The following SOX5 variants were observed in gnomAD, a reference collection of about 807,000 sequenced individuals.
SOX5 encodes the protein SRY-box transcription factor 5.
In SOX5, 9 loss-of-function variants were observed where a neutral mutation model predicts 92.0. The observed-to-expected ratio is 0.10, with a 90% CI of 0.06 to 0.17. SOX5 has a LOEUF of 0.17. Ranked by LOEUF, SOX5 falls within the 10% of genes least tolerant of loss-of-function variation. The pLI is 1.00. For missense variants in SOX5, 642 were observed against 944.5 expected, an observed-to-expected ratio of 0.68 and a Z score of 4.20; for synonymous variants, 344 against 336.3, an observed-to-expected ratio of 1.02 and a Z score of -0.25.
chr12:24,476,847 T>C (rs139906286), intron 1 of SOX5, among the ~76,000 whole-genome samples: 1,651 of 152,074 alleles, frequency 0.011, 35 homozygotes, highest in African/African-American at 0.038. Flanking sequence ...GAAGAACTAG[T>C]CTGTGATTCA....
At chr12:24,359,268 G>A (rs1031152543) in intron 2 of SOX5, among the ~76,000 whole-genome samples, 3 of 152,146 alleles carry the variant, frequency 2.0e-5, no homozygotes, top group Non-Finnish European at 2.9e-5. Context: ...AGTCTTAAGC[G>A]ATCTGATTCA....
chr12:24,011,994 G>A (rs1952996897), intron 4 of SOX5, among the ~76,000 whole-genome samples: 1 of 152,116 alleles, frequency 6.6e-6, no homozygotes, highest in Admixed American at 6.6e-5. Context: ...ATTTTTCCCA[G>A]GACTTCAAAT....
chr12:24,182,659 C>A (rs2139301377), intron 4 of SOX5, among the ~76,000 whole-genome samples: 1 of 151,864 alleles, frequency 6.6e-6, no homozygotes, highest in East Asian at 1.9e-4. Flanking sequence ...TCATATAAAT[C>A]TAATTCACTG....
intron 2 of SOX5, among the ~76,000 whole-genome samples, chr12:24,304,671 T>G (rs1479547394): frequency 6.6e-6 from 1 of 152,154 alleles, no homozygotes; most frequent in Non-Finnish European, 1.5e-5. Flanking sequence ...TCAATATATC[T>G]CTACACAAAT....
At chr12:24,057,318 G>T (rs1037390393) in intron 4 of SOX5, among the ~76,000 whole-genome samples, 3 of 152,010 alleles carry the variant, frequency 2.0e-5, no homozygotes, top group South Asian at 2.1e-4. Flanking sequence ...TAATTTTAAG[G>T]GTAATTACAT....
At chr12:24,099,753 G>A (rs780120240) in intron 4 of SOX5, among the ~76,000 whole-genome samples, 3 of 152,020 alleles carry the variant, frequency 2.0e-5, no homozygotes, top group African/African-American at 4.8e-5. Flanking sequence ...GTTTACTCAC[G>A]GATGTAAATG....
chr12:24,025,138 G>A (rs578212860), intron 4 of SOX5, among the ~76,000 whole-genome samples: 4 of 152,060 alleles, frequency 2.6e-5, no homozygotes, highest in African/African-American at 9.6e-5. Context: ...AAATATAAAA[G>A]AGAAAAGACA....
At chr12:24,477,704 G>A (rs762756559) in intron 1 of SOX5, among the ~76,000 whole-genome samples, 1 of 152,170 alleles carries the variant, frequency 6.6e-6, no homozygotes, top group South Asian at 2.1e-4. Flanking sequence ...GAAATAAGAT[G>A]AATATTGTTG....
intron 1 of SOX5, among the ~76,000 whole-genome samples, chr12:23,897,533 G>T (rs1001286760): frequency 6.6e-6 from 1 of 152,012 alleles, no homozygotes; most frequent in Admixed American, 6.6e-5. Context: ...CAAATAATTA[G>T]TGTATTATTT....
At chr12:23,765,047 A>T (rs1029392794) in intron 3 of SOX5, among the ~76,000 whole-genome samples, 5 of 152,086 alleles carry the variant, frequency 3.3e-5, no homozygotes, top group Admixed American at 3.3e-4. Context: ...AATTCAAGTT[A>T]TATTTTTATG....
chr12:24,031,042 A>G (rs1955446721), intron 4 of SOX5, among the ~76,000 whole-genome samples: 1 of 151,956 alleles, frequency 6.6e-6, no homozygotes, highest in African/African-American at 2.4e-5. Context: ...ACGAAAGGTA[A>G]CAAGTGTTGG....
chr12:24,152,857 A>AG (rs1491211972), intron 4 of SOX5, among the ~76,000 whole-genome samples: 26 of 148,608 alleles, frequency 1.7e-4, no homozygotes, highest in African/African-American at 6.2e-4. Context: ...GAAAAAAAAA[A>AG]AGAGAATTGT....
intron 6 of SOX5, among the ~76,000 whole-genome samples, chr12:23,731,226 T>C (rs1302215678): frequency 2.0e-5 from 3 of 152,160 alleles, no homozygotes; most frequent in Non-Finnish European, 4.4e-5. Flanking sequence ...CTTCCCTGGT[T>C]CTGAGGCCTT....
At chr12:24,086,861 A>G (rs1944054082) in intron 4 of SOX5, among the ~76,000 whole-genome samples, 1 of 152,062 alleles carries the variant, frequency 6.6e-6, no homozygotes, top group South Asian at 2.1e-4. Flanking sequence ...ACACAGTCAA[A>G]TATTCAAGGT....
intron 2 of SOX5, among the ~76,000 whole-genome samples, chr12:24,364,511 C>CATATATATATATATATATATATATAT (rs58135899): frequency 4.5e-5 from 5 of 110,530 alleles, no homozygotes; most frequent in East Asian, 2.8e-4. Context: ...AACATTTTTT[C>CATATATATATATATATATATATATAT]ATATATATAT....
chr12:23,848,896 C>T (rs1245467162), intron 2 of SOX5, among the ~76,000 whole-genome samples: 2 of 152,092 alleles, frequency 1.3e-5, no homozygotes, highest in African/African-American at 4.8e-5. Context: ...GATAATCTTC[C>T]TTTGTTATTT....
chr12:24,344,312 C>G (rs1218889567), intron 2 of SOX5, among the ~76,000 whole-genome samples: 4 of 106,796 alleles, frequency 3.7e-5, no homozygotes, highest in Admixed American at 1.9e-4. Flanking sequence ...AAAAAAAAAT[C>G]AAGTAAGATA....
At chr12:23,762,338 T>C (rs769523750) in intron 3 of SOX5, 1 of 325,702 alleles carries the variant, frequency 3.1e-6, no homozygotes, top group Non-Finnish European at 5.6e-6. Flanking sequence ...CTTGAGGCTG[T>C]AGCGTACTTT....
intron 1 of SOX5, among the ~76,000 whole-genome samples, chr12:24,520,145 G>C (rs1597541546): frequency 1.3e-5 from 2 of 152,046 alleles, no homozygotes; most frequent in East Asian, 3.9e-4. Context: ...CACTTTTGAA[G>C]TTTTTCACCA....
Sources: gnomAD v4.1 joint callset for allele counts (sites outside exome capture counted in the v4.1 genomes callset) on GRCh38, gnomAD v4.1.1 for gene constraint, MANE v1.5 for transcripts, NCBI Gene and HGNC (gene_info 2026-07-23, HGNC 2026-07-21) for gene names.